FBXO42: variants seen among roughly 807,000 people sequenced by gnomAD.
FBXO42 encodes F-box only protein 42.
In FBXO42, 12 loss-of-function variants were observed where a neutral mutation model predicts 71.7. The ratio of observed to expected loss-of-function variants is 0.17; its 90% CI spans 0.11 to 0.27. FBXO42 has a LOEUF of 0.27. Ranked by LOEUF, FBXO42 falls within the 10% of genes least tolerant of loss-of-function variation. The pLI, the probability that FBXO42 is intolerant of heterozygous loss-of-function variation, is 1.00. For missense variants in FBXO42, 707 were observed against 911.9 expected (o/e 0.78, Z 2.89); for synonymous variants, 325 against 327.5 (o/e 0.99, Z 0.08).
At chr1:16,313,320 A>AAAAGAAAGAAAGAAAG (rs1205235258) in intron 2 of FBXO42, among the ~76,000 whole-genome samples, 6 of 110,224 alleles carry the variant, frequency 5.4e-5, no homozygotes, top group African/African-American at 2.3e-4. Context: ...AAGAGAAAAG[A>AAAAGAAAGAAAGAAAG]AAACAAAGAA....
At chr1:16,346,505 A>G (rs2082655562) in intron 1 of FBXO42, among the ~76,000 whole-genome samples, 1 of 151,760 alleles carries the variant, frequency 6.6e-6, no homozygotes, top group Admixed American at 6.6e-5. Flanking sequence ...TGGCTAACAC[A>G]GTGAAACCCC....
chr1:16,265,379 C>T (rs2081760167), intron 4 of FBXO42, among the ~76,000 whole-genome samples: 1 of 152,128 alleles, frequency 6.6e-6, no homozygotes. Context: ...GCATGAGCTA[C>T]CGTGCCCGGC....
intron 1 of FBXO42, among the ~76,000 whole-genome samples, chr1:16,350,757 A>AAAAAG (rs1553156683): frequency 2.7e-3 from 121 of 44,276 alleles, no homozygotes; most frequent in Non-Finnish European, 4.5e-3. Context: ...AAAAAAAAAA[A>AAAAAG]AAAGAAAGAA....
chr1:16,255,228 A>AT (rs1295772123), intron 6 of FBXO42, among the ~76,000 whole-genome samples: 1 of 152,156 alleles, frequency 6.6e-6, no homozygotes, highest in South Asian at 2.1e-4. Context: ...TATAGAGCAA[A>AT]TTTTTCAATT....
At position 16,253,082 on chromosome 1, in the gene FBXO42, GA is replaced by G; in HGVS notation, c.921+13del. 4 of 1,612,244 alleles carry G rather than the reference GA, an allele frequency of 2.5e-6. No individual in the cohort carries two copies. Among genetic ancestry groups the G allele is most frequent in the Non-Finnish European group, 3.4e-6 (4 of 1,179,106 alleles). On this transcript the variant is annotated intron_variant, in intron 8 of 9. Transcript: ENST00000375592. ...GTAGCATGCACATGGGAATGCCACAGAAGCAATACTCACAGCATTGGGACCG... is the reference window on the plus strand; with the variant it reads ...GTAGCATGCACATGGGAATGCCACAGAGCAATACTCACAGCATTGGGACCG...
At position 16,296,663 on chromosome 1, in the gene FBXO42, AAAAAAC is replaced by A. The variant is rs1557589584; in HGVS notation, c.368-1752_368-1747del. Among the ~76,000 whole-genome samples, 5 of 151,280 alleles carry A rather than the reference AAAAAAC, an allele frequency of 3.3e-5. No individual in the cohort carries two copies. In the South Asian group the frequency reaches 6.2e-4, roughly 19 times the overall value. On this transcript the variant is annotated intron_variant, in intron 3 of 9. Coordinates refer to ENST00000375592, the MANE Select transcript of FBXO42 (RefSeq NM_018994.3). ...AGACTCCATCTCAAAAAAAAAAAAA[AAAAAAC>A]AAAAACAAAAAACACCAACAAGAAA... is the stretch of plus-strand genomic sequence containing the variant.
intron 4 of FBXO42, among the ~76,000 whole-genome samples, chr1:16,289,170 G>A (rs2100519654): frequency 6.6e-6 from 1 of 151,988 alleles, no homozygotes; most frequent in African/African-American, 2.4e-5. Context: ...CAAGGCAGGA[G>A]GATCATTTGA....
chr1:16,279,045 G>C (rs922086165), intron 4 of FBXO42, among the ~76,000 whole-genome samples: 1 of 152,062 alleles, frequency 6.6e-6, no homozygotes, highest in Non-Finnish European at 1.5e-5. Context: ...CAAAGTGCTG[G>C]GATTACAGGC....
intron 4 of FBXO42, among the ~76,000 whole-genome samples, chr1:16,274,474 T>C (rs758991004): frequency 6.6e-6 from 1 of 151,600 alleles, no homozygotes; most frequent in Non-Finnish European, 1.5e-5. Context: ...ATCTAGGTAA[T>C]GATCACATGA....
chr1:16,344,565 A>G (rs927747327), intron 1 of FBXO42, among the ~76,000 whole-genome samples: 1 of 148,714 alleles, frequency 6.7e-6, no homozygotes, highest in African/African-American at 2.5e-5. Context: ...CAAACTCCCA[A>G]CCTCAGGTGA....
intron 1 of FBXO42, among the ~76,000 whole-genome samples, chr1:16,326,714 C>T: frequency 6.6e-6 from 1 of 150,402 alleles, no homozygotes; most frequent in South Asian, 2.1e-4. Flanking sequence ...AAAAATTATT[C>T]TTGAGTTAAT....
At chr1:16,330,357 A>AT (rs2082488874) in intron 1 of FBXO42, among the ~76,000 whole-genome samples, 7 of 131,004 alleles carry the variant, frequency 5.3e-5, no homozygotes, top group African/African-American at 1.8e-4. Flanking sequence ...CCCTGTTTCC[A>AT]CAAAAAAAAT....
chr1:16,266,367 C>A (rs12087262), intron 4 of FBXO42, among the ~76,000 whole-genome samples: 3,398 of 152,176 alleles, frequency 0.022, 118 homozygotes, highest in African/African-American at 0.078. Context: ...TACCTGTAGT[C>A]CCCAGCTACT....
chr1:16,335,805 T>G (rs1159408805), intron 1 of FBXO42, among the ~76,000 whole-genome samples: 2 of 147,518 alleles, frequency 1.4e-5, no homozygotes, highest in Non-Finnish European at 3.0e-5. Context: ...AGGCAGAGGT[T>G]GCAGTGAGCT....
intron 1 of FBXO42, among the ~76,000 whole-genome samples, chr1:16,334,244 T>C (rs1214585984): frequency 7.2e-5 from 11 of 151,882 alleles, no homozygotes; most frequent in Admixed American, 2.0e-4. Flanking sequence ...CCATCCTGGT[T>C]AACACGGTGA....
intron 2 of FBXO42, among the ~76,000 whole-genome samples, chr1:16,307,391 C>T (rs2082263163): frequency 6.6e-6 from 1 of 152,018 alleles, no homozygotes; most frequent in Non-Finnish European, 1.5e-5. Flanking sequence ...GTCCTAGCTA[C>T]TTGGGAGGCA....
chr1:16,306,068 G>A, intron 2 of FBXO42, 149 bp from the exon 3 acceptor site: 2 of 599,406 alleles, frequency 3.3e-6, no homozygotes, highest in Non-Finnish European at 5.8e-6. Context: ...TGTCGCCCAG[G>A]TTGGAGTGCA....
chr1:16,313,116 T>C (rs2082329002), intron 2 of FBXO42, among the ~76,000 whole-genome samples: 1 of 151,856 alleles, frequency 6.6e-6, no homozygotes. Flanking sequence ...TTTCTCCTAC[T>C]CAATTTTGCT....
intron 1 of FBXO42, among the ~76,000 whole-genome samples, chr1:16,327,138 C>T (rs146569975): frequency 4.6e-5 from 7 of 152,134 alleles, no homozygotes; most frequent in Admixed American, 3.3e-4. Context: ...TTAACAATAT[C>T]GGTACTTTTT....
Sources: gnomAD v4.1 joint callset for allele counts (sites outside exome capture counted in the v4.1 genomes callset) on GRCh38, gnomAD v4.1.1 for gene constraint, MANE v1.5 for transcripts, NCBI Gene and HGNC (gene_info 2026-07-23, HGNC 2026-07-21) for gene names.